The following MARCHF1 variants were observed in gnomAD, a reference collection of about 807,000 sequenced individuals.
MARCHF1 encodes the protein E3 ubiquitin-protein ligase MARCHF1.
In MARCHF1, 40 loss-of-function variants were observed where a neutral mutation model predicts 54.2. That is an observed-to-expected ratio of 0.74 (90% CI 0.57 to 0.96). MARCHF1 has a LOEUF of 0.96. MARCHF1 is among the 40% of genes least tolerant of loss of function. The probability of loss-of-function intolerance (pLI) is 0.00; values close to 1 mark genes in which losing one functional copy is unlikely to be tolerated. For synonymous variants in MARCHF1, 236 were observed against 236.3 expected (o/e 1.00, Z 0.01); for missense variants, 586 against 656.5 (o/e 0.89, Z 1.17).
intron 2 of MARCHF1, among the ~76,000 whole-genome samples, chr4:164,055,735 T>C (rs984261119): frequency 6.6e-6 from 1 of 152,236 alleles, no homozygotes; most frequent in Non-Finnish European, 1.5e-5. Flanking sequence ...ATTAAATTTA[T>C]AGATGCTCTA....
intron 3 of MARCHF1, among the ~76,000 whole-genome samples, chr4:163,895,151 T>C (rs914285726): frequency 6.6e-6 from 1 of 152,178 alleles, no homozygotes; most frequent in Non-Finnish European, 1.5e-5. Context: ...AATACCTATA[T>C]AAGACGTATG....
intron 5 of MARCHF1, among the ~76,000 whole-genome samples, chr4:163,634,289 C>G (rs1205403852): frequency 4.7e-4 from 71 of 150,380 alleles, no homozygotes; most frequent in Non-Finnish European, 8.1e-4. Flanking sequence ...CCAATTAAAA[C>G]ACACAGACTG....
intron 3 of MARCHF1, among the ~76,000 whole-genome samples, chr4:163,914,335 T>C (rs1751260194): frequency 6.6e-6 from 1 of 152,120 alleles, no homozygotes; most frequent in Non-Finnish European, 1.5e-5. Context: ...AATTATGACA[T>C]GTAAAAACTA....
intron 1 of MARCHF1, among the ~76,000 whole-genome samples, chr4:164,300,411 T>C (rs957894122): frequency 1.3e-5 from 2 of 152,160 alleles, no homozygotes; most frequent in Non-Finnish European, 2.9e-5. Flanking sequence ...TATCTCAATA[T>C]AACATAAAAT....
rs540221900 is a variant in MARCHF1, at chr4:163,873,978, A to G, written c.-38-19809T>C. Among the ~76,000 whole-genome samples, 139 of 152,222 alleles carry G rather than the reference A, an allele frequency of 9.1e-4. 1 individual carries two copies. The highest frequency in any genetic ancestry group is 1.6e-3 in the Non-Finnish European group (112 of 68,038). ...TAGACAGTAACGAAACCCTAATATT[A>G]GTTCAACTCTTATTTTTTAAAGAAT... On this transcript the variant is annotated intron_variant, in intron 3 of 9. Coordinates refer to ENST00000514618, the MANE Select transcript of MARCHF1 (RefSeq NM_001394959.1).
intron 1 of MARCHF1, among the ~76,000 whole-genome samples, chr4:164,157,165 T>G (rs1045678096): frequency 9.9e-5 from 15 of 151,780 alleles, no homozygotes; most frequent in South Asian, 6.2e-4. Context: ...AATTTAAATA[T>G]TTACAATATT....
At chr4:164,112,470 AGT>A (rs66520877) in intron 1 of MARCHF1, among the ~76,000 whole-genome samples, 19,463 of 151,802 alleles carry the variant, frequency 0.13, 1,879 homozygotes, top group African/African-American at 0.28. Context: ...AACAAACTAA[AGT>A]AATAGGGGAT....
intron 4 of MARCHF1, among the ~76,000 whole-genome samples, chr4:163,765,163 A>G (rs1746938838): frequency 6.6e-6 from 1 of 152,096 alleles, no homozygotes; most frequent in Admixed American, 6.6e-5. Flanking sequence ...CTACAAATGT[A>G]GGCTTGGTTT....
intron 1 of MARCHF1, among the ~76,000 whole-genome samples, chr4:164,212,797 A>G (rs760384547): frequency 6.6e-6 from 1 of 152,174 alleles, no homozygotes; most frequent in Non-Finnish European, 1.5e-5. Context: ...TGCTAGCCAT[A>G]TGAGGTGCCA....
At position 163,781,116 on chromosome 4, in the gene MARCHF1, C is replaced by CG. The variant is rs550821297; in HGVS notation, c.111+72904dup. ...CCCAGCACTTTGGGAGGCCAAGGGG[C>CG]GGGGGGGGTGGATCACTTGAGGTCA... On this transcript the variant is annotated intron_variant, in intron 4 of 9. Coordinates refer to ENST00000514618, the MANE Select transcript of MARCHF1 (RefSeq NM_001394959.1). Among the ~76,000 whole-genome samples, 1,483 of 149,552 alleles carry CG rather than the reference C, an allele frequency of 9.9e-3. 12 individuals are homozygous for CG. The highest frequency in any genetic ancestry group is 0.023 in the African/African-American group (956 of 41,028).
At chr4:164,025,280 A>C (rs996367709) in intron 2 of MARCHF1, among the ~76,000 whole-genome samples, 1 of 152,166 alleles carries the variant, frequency 6.6e-6, no homozygotes, top group African/African-American at 2.4e-5. Context: ...AGATCACGGA[A>C]TATACATTCT....
At chr4:164,189,735 T>C in intron 1 of MARCHF1, 2 of 1,185,486 alleles carry the variant, frequency 1.7e-6, no homozygotes, top group Middle Eastern at 1.9e-4. Flanking sequence ...TTCTATAGCT[T>C]CTGATAATCA....
At chr4:164,212,243 C>G (rs114120860) in intron 1 of MARCHF1, among the ~76,000 whole-genome samples, 1,679 of 152,260 alleles carry the variant, frequency 0.011, 14 homozygotes, top group Middle Eastern at 0.017. Context: ...AGCTCTGGCA[C>G]ACATTTCTCT....
At chr4:164,010,720 C>A (rs924376178) in intron 2 of MARCHF1, among the ~76,000 whole-genome samples, 22 of 151,730 alleles carry the variant, frequency 1.4e-4, no homozygotes, top group African/African-American at 5.3e-4. Flanking sequence ...AAATGCAATC[C>A]CCATCAGAAT....
At chr4:164,360,204 C>T (rs750187988) in intron 1 of MARCHF1, among the ~76,000 whole-genome samples, 24 of 152,002 alleles carry the variant, frequency 1.6e-4, no homozygotes, top group Non-Finnish European at 3.4e-4. Flanking sequence ...AAGCTTCCAG[C>T]TGTATCCACT....
At chr4:163,896,277 G>A (rs1477152412) in intron 3 of MARCHF1, among the ~76,000 whole-genome samples, 2 of 152,176 alleles carry the variant, frequency 1.3e-5, no homozygotes, top group African/African-American at 4.8e-5. Context: ...GATTCAGTGG[G>A]GATCTGGCTG....
chr4:163,863,819 T>A (rs1252191790), intron 3 of MARCHF1, among the ~76,000 whole-genome samples: 1 of 151,796 alleles, frequency 6.6e-6, no homozygotes, highest in African/African-American at 2.4e-5. Context: ...CTTGTAGCGC[T>A]AGAAAGTAAG....
At chr4:164,320,716 G>A (rs1292083992) in intron 1 of MARCHF1, among the ~76,000 whole-genome samples, 1 of 151,996 alleles carries the variant, frequency 6.6e-6, no homozygotes, top group African/African-American at 2.4e-5. Flanking sequence ...AAGAATCCAG[G>A]TGCTTGGAAC....
rs190601069 is a variant in MARCHF1, at chr4:164,151,043, C to T, written c.-322-39381G>A. Among the ~76,000 whole-genome samples the T allele has an allele frequency of 7.1e-3, 1,084 of 152,180 alleles. 12 individuals carry two copies. Among genetic ancestry groups the T allele is most frequent in the Non-Finnish European group, 0.01 (707 of 67,984 alleles). On this transcript the variant is annotated intron_variant, in intron 1 of 9. Coordinates refer to ENST00000514618, the MANE Select transcript of MARCHF1 (RefSeq NM_001394959.1). ...AAGAAAATCACAGTCAAGGACCTTTCAAAACTGGAAAAGGAAAGGAGATAG... is the reference window on the plus strand; with the variant it reads ...AAGAAAATCACAGTCAAGGACCTTTTAAAACTGGAAAAGGAAAGGAGATAG...
Sources: allele counts gnomAD v4.1 joint callset (sites outside exome capture counted in the v4.1 genomes callset), GRCh38; gene constraint gnomAD v4.1.1; transcripts MANE v1.5; gene names NCBI Gene and HGNC (gene_info 2026-07-23, HGNC 2026-07-21).